Variants in PTPRM observed in about 807,000 individuals in gnomAD.
PTPRM encodes the protein receptor-type tyrosine-protein phosphatase mu.
A neutral mutation model predicts 186.7 loss-of-function variants in PTPRM; 47 were observed. That is an observed-to-expected ratio of 0.25 (90% CI 0.20 to 0.32). The LOEUF is 0.32. Ranked by LOEUF, PTPRM falls within the 10% of genes least tolerant of loss-of-function variation. The pLI, the probability that PTPRM is intolerant of heterozygous loss-of-function variation, is 1.00. For synonymous variants in PTPRM, 668 were observed against 674.9 expected, an observed-to-expected ratio of 0.99 and a Z score of 0.16; for missense variants, 1,494 against 1,865.0, an observed-to-expected ratio of 0.80 and a Z score of 3.66.
chr18:7,602,428 ATTT>A (rs34285707), intron 1 of PTPRM, among the ~76,000 whole-genome samples: 4 of 142,562 alleles, frequency 2.8e-5, no homozygotes, highest in Non-Finnish European at 3.1e-5. Flanking sequence ...GATTGTGGCA[ATTT>A]TTTTTTTTTT....
At chr18:8,094,232 G>T (rs1280521299) in intron 11 of PTPRM, among the ~76,000 whole-genome samples, 1 of 152,062 alleles carries the variant, frequency 6.6e-6, no homozygotes, top group Non-Finnish European at 1.5e-5. Context: ...TTCTGGCCAG[G>T]TGCAGTGGCC....
chr18:7,766,663 G>T (rs368979305), intron 1 of PTPRM, among the ~76,000 whole-genome samples: 5 of 152,298 alleles, frequency 3.3e-5, no homozygotes, highest in African/African-American at 1.2e-4. Context: ...GCGACCCTGC[G>T]TTGTGCCCTG....
At chr18:7,962,476 G>A (rs1255732410) in intron 7 of PTPRM, among the ~76,000 whole-genome samples, 1 of 152,120 alleles carries the variant, frequency 6.6e-6, no homozygotes, top group Non-Finnish European at 1.5e-5. Context: ...ACCCGGTCCA[G>A]TCTAAATGTC....
chr18:8,192,166 A>G (rs2093718727), intron 14 of PTPRM, among the ~76,000 whole-genome samples: 1 of 152,138 alleles, frequency 6.6e-6, no homozygotes, highest in Admixed American at 6.5e-5. Flanking sequence ...GTTTAAAAGT[A>G]AGGAAAATCT....
intron 2 of PTPRM, among the ~76,000 whole-genome samples, chr18:7,855,413 C>G (rs562999197): frequency 3.5e-4 from 53 of 152,184 alleles, no homozygotes; most frequent in Admixed American, 3.3e-4. Flanking sequence ...TGTTCCCCAC[C>G]ACAAAGCTGC....
chr18:7,717,768 C>T (rs916800172), intron 1 of PTPRM, among the ~76,000 whole-genome samples: 3 of 152,216 alleles, frequency 2.0e-5, no homozygotes, highest in African/African-American at 7.2e-5. Context: ...CCTGCCTGTG[C>T]TAAAGCATCT....
At chr18:8,212,622 T>G (rs2094022531) in intron 14 of PTPRM, among the ~76,000 whole-genome samples, 1 of 152,098 alleles carries the variant, frequency 6.6e-6, no homozygotes, top group Non-Finnish European at 1.5e-5. Context: ...CTGGGTGCCA[T>G]AGCGAGACCC....
intron 7 of PTPRM, among the ~76,000 whole-genome samples, chr18:8,068,309 A>G (rs75597794): frequency 0.028 from 4,331 of 152,310 alleles, 87 homozygotes; most frequent in African/African-American, 0.046. Context: ...AATCAAAATT[A>G]TGAATCAAAT....
chr18:7,626,985 C>T (rs1406854835), intron 1 of PTPRM, among the ~76,000 whole-genome samples: 1 of 152,138 alleles, frequency 6.6e-6, no homozygotes, highest in East Asian at 1.9e-4. Context: ...GTGCATCACA[C>T]TCAGCTCACT....
intron 2 of PTPRM, among the ~76,000 whole-genome samples, chr18:7,797,940 T>G (rs533391932): frequency 1.1e-4 from 17 of 152,208 alleles, no homozygotes; most frequent in Non-Finnish European, 2.5e-4. Flanking sequence ...CCTTGATATC[T>G]GCCTTGACTT....
At chr18:8,306,697 G>A (rs980194824) in intron 20 of PTPRM, among the ~76,000 whole-genome samples, 4 of 152,156 alleles carry the variant, frequency 2.6e-5, no homozygotes, top group African/African-American at 9.7e-5. Flanking sequence ...AACCCCAATG[G>A]CTAGACCCTG....
chr18:7,846,584 A>G (rs1367351753), intron 2 of PTPRM, among the ~76,000 whole-genome samples: 1 of 152,146 alleles, frequency 6.6e-6, no homozygotes, highest in Non-Finnish European at 1.5e-5. Flanking sequence ...CATGGTTGTT[A>G]TCCTTACAGG....
At chr18:8,264,470 C>G (rs1307405331) in intron 19 of PTPRM, among the ~76,000 whole-genome samples, 3 of 151,976 alleles carry the variant, frequency 2.0e-5, no homozygotes, top group Non-Finnish European at 4.4e-5. Context: ...TATATCGGCA[C>G]TGTACAAAGA....
intron 14 of PTPRM, among the ~76,000 whole-genome samples, chr18:8,212,439 G>A (rs946989067): frequency 1.3e-5 from 2 of 151,852 alleles, no homozygotes; most frequent in African/African-American, 4.8e-5. Flanking sequence ...CACTCCCAGT[G>A]TGTGTGTATA....
chr18:7,957,923 A>G (rs1465098272), intron 7 of PTPRM, among the ~76,000 whole-genome samples: 3 of 152,218 alleles, frequency 2.0e-5, no homozygotes, highest in East Asian at 1.9e-4. Flanking sequence ...TTTCATAAAC[A>G]TGGGAGAGAC....
At chr18:7,804,077 T>C (rs1277378942) in intron 2 of PTPRM, among the ~76,000 whole-genome samples, 1 of 152,178 alleles carries the variant, frequency 6.6e-6, no homozygotes, top group East Asian at 1.9e-4. Context: ...TAAGTGAAAA[T>C]TCCAAAGGTA....
chr18:7,930,592 T>C (rs2051428103), intron 5 of PTPRM, among the ~76,000 whole-genome samples: 1 of 152,174 alleles, frequency 6.6e-6, no homozygotes, highest in Non-Finnish European at 1.5e-5. Flanking sequence ...TCCACTCTAC[T>C]ATACCGTCTT....
chr18:7,818,344 G>A (rs548061092), intron 2 of PTPRM, among the ~76,000 whole-genome samples: 6 of 152,188 alleles, frequency 3.9e-5, no homozygotes, highest in Admixed American at 1.3e-4. Flanking sequence ...CCTTTACTTC[G>A]TTCAGTCATT....
intron 7 of PTPRM, among the ~76,000 whole-genome samples, chr18:7,961,002 G>A (rs971457341): frequency 1.3e-5 from 2 of 152,100 alleles, no homozygotes; most frequent in Non-Finnish European, 2.9e-5. Context: ...TGTTTCTCGT[G>A]TGTGGGTACA....
Sources: allele counts gnomAD v4.1 joint callset (sites outside exome capture counted in the v4.1 genomes callset), GRCh38; gene constraint gnomAD v4.1.1; transcripts MANE v1.5; gene names NCBI Gene and HGNC (gene_info 2026-07-23, HGNC 2026-07-21).